The following PAMR1 variants were observed in gnomAD, a reference collection of about 807,000 sequenced individuals.
PAMR1 encodes inactive serine protease PAMR1.
In PAMR1, 88 loss-of-function variants were observed where a neutral mutation model predicts 81.8. The observed-to-expected ratio is 1.08, with a 90% CI of 0.91 to 1.28. The LOEUF (loss-of-function observed/expected upper bound fraction) is 1.28. Ranked by LOEUF, PAMR1 falls within the 50% of genes most tolerant of loss-of-function variation. The pLI is 0.00. For synonymous variants in PAMR1, 336 were observed against 345.3 expected (o/e 0.97, Z 0.30); for missense variants, 935 against 919.7 (o/e 1.02, Z -0.21).
At chr11:35,516,540 G>T (rs591707) in intron 1 of PAMR1, among the ~76,000 whole-genome samples, 5 of 152,028 alleles carry the variant, frequency 3.3e-5, no homozygotes, top group Non-Finnish European at 4.4e-5. Flanking sequence ...TCCGGGCAGA[G>T]AGAGAAGGCA....
intron 1 of PAMR1, among the ~76,000 whole-genome samples, chr11:35,519,343 A>T (rs1186605201): frequency 6.6e-6 from 1 of 152,150 alleles, no homozygotes; most frequent in Non-Finnish European, 1.5e-5. Flanking sequence ...CCGCTTATTC[A>T]CTCCAGGTCT....
intron 6 of PAMR1, among the ~76,000 whole-genome samples, chr11:35,465,535 T>C (rs1486815918): frequency 6.6e-6 from 1 of 152,252 alleles, no homozygotes; most frequent in African/African-American, 2.4e-5. Context: ...TCAGAAATTA[T>C]AACATAAACT....
At chr11:35,474,607 G>T in intron 4 of PAMR1, 23 bp downstream of exon 4, 1 of 1,399,270 alleles carries the variant, frequency 7.1e-7, no homozygotes, top group South Asian at 1.3e-5. Context: ...TCAGACTCCT[G>T]ACTTCTGGCC....
At chr11:35,474,842 T>G in intron 3 of PAMR1, 98 bp from the exon 4 acceptor site, 2 of 731,700 alleles carry the variant, frequency 2.7e-6, no homozygotes, top group Non-Finnish European at 4.7e-6. Context: ...GCCACACCCC[T>G]GAGAACAGGA....
intron 1 of PAMR1, among the ~76,000 whole-genome samples, chr11:35,501,757 G>A (rs1364468190): frequency 6.6e-6 from 1 of 152,158 alleles, no homozygotes; most frequent in Non-Finnish European, 1.5e-5. Flanking sequence ...CTGCAAATAA[G>A]AGGATTTCAT....
At chr11:35,451,915 T>A (rs536562555) in intron 6 of PAMR1, 54 of 701,546 alleles carry the variant, frequency 7.7e-5, no homozygotes, top group South Asian at 7.5e-4. Flanking sequence ...GACGCCTTGA[T>A]CTTGGACTTC....
chr11:35,528,516 C>T (rs1212499760), upstream of PAMR1, among the ~76,000 whole-genome samples: 1 of 152,208 alleles, frequency 6.6e-6, no homozygotes, highest in Non-Finnish European at 1.5e-5. Flanking sequence ...CTAACCATCT[C>T]TTTGAGTTAC....
rs12223481 is a variant in PAMR1, at chr11:35,488,283, A to G, written c.379+3762T>C. Among the ~76,000 whole-genome samples the G allele has an allele frequency of 0.017, 2,463 of 144,438 alleles. 159 individuals are homozygous for G. The East Asian group carries it at 0.19, about 11-fold the overall frequency. 94.8% of individuals were successfully genotyped at this position (144,438 alleles called of 152,430 possible). On this transcript the variant is annotated intron_variant, in intron 3 of 10. Transcript: ENST00000619888. ...TAGGCTGGAATGCAGTGGTGTAATC[A>G]TAGCTCACTGCAGCTTCAAAATCCT...
rs777943313 is a variant in PAMR1, at chr11:35,494,177, C to T, written c.169G>A (p.Gly57Arg). The change falls in exon 2 of 11, where the codon GGA (glycine) becomes AGA (arginine). Residue 57 changes from glycine (G) to arginine (R), a missense_variant. Physicochemically the swap from Gly to Arg is moderately radical, Grantham distance 125. Transcript: ENST00000619888. ...GTATAACCCACGACTTCCCTCTTTCCGGGGCAGACGCACTCAATCTGATCA... is the reference window on the plus strand; with the variant it reads ...GTATAACCCACGACTTCCCTCTTTCTGGGGCAGACGCACTCAATCTGATCA... Reference protein sequence around the residue: ...EYDQIECVCPGKREVVGYTIP... With the variant: ...EYDQIECVCPRKREVVGYTIP... The T allele has an allele frequency of 1.9e-6, 3 of 1,614,018 alleles. No homozygotes were observed. Among genetic ancestry groups the T allele is most frequent in the Non-Finnish European group, 1.7e-6 (2 of 1,179,866 alleles).
Position 35,441,509 on chromosome 11 carries a change from C to A in PAMR1, c.1005G>T (p.Trp335Cys). ...TTATGCAGATGGGCTGTTTCCCTGA[C>A]CACTCTCCATTCTGCTGGCAAGTTC... is the stretch of plus-strand genomic sequence containing the variant. Reference protein sequence around the residue: ...EKRTCQQNGEWSGKQPICIKA... With the variant: ...EKRTCQQNGECSGKQPICIKA... Residue 335 changes from tryptophan to cysteine, a missense_variant, in exon 7 of 11, where the codon TGG becomes TGT. Transcript: ENST00000619888. The A allele has an allele frequency of 6.2e-7, 1 of 1,613,070 alleles. No individual in the cohort carries two copies. Among genetic ancestry groups the A allele is most frequent in the Non-Finnish European group, 8.5e-7 (1 of 1,179,748 alleles).
intron 6 of PAMR1, among the ~76,000 whole-genome samples, chr11:35,466,106 C>A (rs373086428): frequency 2.0e-5 from 3 of 151,008 alleles, no homozygotes; most frequent in African/African-American, 7.3e-5. Context: ...TTGTGTAATT[C>A]GTTCATCAAG....
At chr11:35,440,854 CCT>C (rs1266916636) in intron 7 of PAMR1, among the ~76,000 whole-genome samples, 2 of 152,290 alleles carry the variant, frequency 1.3e-5, no homozygotes, top group East Asian at 3.9e-4. Context: ...CATCCCGACT[CCT>C]CTTCACATCT....
intron 10 of PAMR1, among the ~76,000 whole-genome samples, chr11:35,433,821 G>T (rs138226226): frequency 5.4e-5 from 8 of 149,402 alleles, no homozygotes; most frequent in African/African-American, 1.3e-4. Flanking sequence ...GAGGGATGGA[G>T]GGATGGATGG....
At chr11:35,512,562 C>T (rs1851092511) in intron 1 of PAMR1, among the ~76,000 whole-genome samples, 1 of 152,136 alleles carries the variant, frequency 6.6e-6, no homozygotes, top group Non-Finnish European at 1.5e-5. Flanking sequence ...TGAGGCTGCC[C>T]AAATTTGAAT....
rs575176157 is a variant in PAMR1, at chr11:35,501,565, ATTATTT to A, written c.74-7299_74-7294del. On this transcript the variant is annotated intron_variant, in intron 1 of 10. Coordinates refer to ENST00000619888, the MANE Select transcript of PAMR1 (RefSeq NM_001001991.3). ...TTTTCCTGTTTTTAATTTAATTATT[ATTATTT>A]TTTTTTTACTTTTTAAACTTATTTC... Among the ~76,000 whole-genome samples the A allele has an allele frequency of 1.9e-3, 277 of 148,374 alleles. 1 individual carries two copies. The East Asian group carries it at 0.033, about 18-fold the overall frequency.
At chr11:35,477,945 C>T (rs78847519) in intron 3 of PAMR1, among the ~76,000 whole-genome samples, 13 of 152,230 alleles carry the variant, frequency 8.5e-5, no homozygotes, top group East Asian at 5.8e-4. Flanking sequence ...TGCTGGGCTA[C>T]GGAAGTGATA....
In PAMR1 at chr11:35,462,517, A is replaced by G. The variant is rs144672088; in HGVS notation, c.820+5484T>C. On this transcript the variant is annotated intron_variant, in intron 6 of 10. Transcript: ENST00000619888. ...TCTTGGGAGAGTTTTCTGAAATCCT[A>G]GGACTTTGAGAAAGTTATGTCATAA... 3.6e-3 allele frequency among the ~76,000 whole-genome samples: 545 copies of G among 152,360 alleles called. 5 individuals carry two copies. Among genetic ancestry groups the G allele is most frequent in the African/African-American group, 0.012 (499 of 41,590 alleles).
intron 1 of PAMR1, among the ~76,000 whole-genome samples, chr11:35,506,729 G>A (rs1265050153): frequency 6.6e-6 from 1 of 151,796 alleles, no homozygotes; most frequent in East Asian, 1.9e-4. Context: ...ACTGCTTTTA[G>A]GGTCCTCTCT....
chr11:35,526,587 G>C (rs780605269), upstream of PAMR1, among the ~76,000 whole-genome samples: 4 of 152,180 alleles, frequency 2.6e-5, no homozygotes, highest in African/African-American at 4.8e-5. Context: ...TACAATTAGA[G>C]AAACGGAACC....
Sources: allele counts gnomAD v4.1 joint callset (sites outside exome capture counted in the v4.1 genomes callset), GRCh38; gene constraint gnomAD v4.1.1; transcripts MANE v1.5; gene names NCBI Gene and HGNC (gene_info 2026-07-23, HGNC 2026-07-21).